Variants in RYR3 observed in about 807,000 individuals in gnomAD.
The protein encoded by RYR3 is brain ryanodine receptor-calcium release channel.
RYR3 carries 207 observed loss-of-function variants against 584.3 expected under a neutral mutation model. The observed-to-expected ratio is 0.35, with a 90% confidence interval of 0.32 to 0.40. RYR3 has a LOEUF of 0.40. Among genes scored for constraint, RYR3 ranks in the 10% least tolerant of loss-of-function variants. The probability of loss-of-function intolerance (pLI) is 1.00; values close to 1 mark genes in which losing one functional copy is unlikely to be tolerated. For missense variants in RYR3, 5,616 were observed against 6,089.2 expected (o/e 0.92, Z 2.59); for synonymous variants, 2,416 against 2,248.5 (o/e 1.07, Z -2.11).
chr15:33,834,888 G>A, intron 86 of RYR3, 80 bp from the exon 87 acceptor site: 1 of 946,652 alleles, frequency 1.1e-6, no homozygotes, highest in South Asian at 1.4e-5. Context: ...CATATAAGTA[G>A]GTATCAGATG....
intron 3 of RYR3, among the ~76,000 whole-genome samples, chr15:33,514,680 T>G (rs1407165362): frequency 6.6e-6 from 1 of 152,066 alleles, no homozygotes; most frequent in East Asian, 1.9e-4. Context: ...TTTTAGGAAT[T>G]TTCAGAATCA....
chr15:33,508,261 A>T (rs571529702), intron 3 of RYR3, among the ~76,000 whole-genome samples: 2 of 152,214 alleles, frequency 1.3e-5, no homozygotes, highest in Non-Finnish European at 2.9e-5. Context: ...TAGTTGCCAC[A>T]TGAACATGAC....
intron 8 of RYR3, among the ~76,000 whole-genome samples, chr15:33,547,543 C>T (rs1473639728): frequency 1.3e-5 from 2 of 152,008 alleles, no homozygotes; most frequent in Non-Finnish European, 2.9e-5. Context: ...ATAAACCTAA[C>T]ATTTTTCTAA....
chr15:33,818,728 A>G lies in RYR3; in HGVS notation c.10706+44A>G, dbSNP rs1193534254. On this transcript the variant is annotated intron_variant, in intron 76 of 103. Transcript: ENST00000634891. ...CCTGCTTCTCCCAGGCACCAGGGAT[A>G]CTTGTGTCCACTCCTGACCTTCTTC... 2.9e-6 allele frequency: 4 copies of G among 1,368,352 alleles called. No homozygotes were observed. In the South Asian group the frequency reaches 3.6e-5, roughly 12 times the overall value. The allele number at this position is 1,368,352 out of a possible 1,614,324, so 84.8% of individuals were successfully genotyped here.
intron 1 of RYR3, among the ~76,000 whole-genome samples, chr15:33,367,045 G>C (rs867527019): frequency 2.0e-5 from 3 of 152,178 alleles, no homozygotes; most frequent in African/African-American, 7.2e-5. Flanking sequence ...TTATTTCAGT[G>C]CTGCTAAAGG....
At chr15:33,512,022 C>T (rs1287093773) in intron 3 of RYR3, among the ~76,000 whole-genome samples, 1 of 152,170 alleles carries the variant, frequency 6.6e-6, no homozygotes, top group East Asian at 1.9e-4. Context: ...TCATGATCCG[C>T]CCGCCTCGGC....
At chr15:33,316,019 A>T (rs1181942197) in intron 1 of RYR3, among the ~76,000 whole-genome samples, 3 of 152,198 alleles carry the variant, frequency 2.0e-5, no homozygotes, top group Non-Finnish European at 4.4e-5. Flanking sequence ...GCAAGGAATA[A>T]TTATTAAATA....
chr15:33,593,791 A>G (rs1381128726), intron 16 of RYR3, among the ~76,000 whole-genome samples: 1 of 152,258 alleles, frequency 6.6e-6, no homozygotes, highest in African/African-American at 2.4e-5. Flanking sequence ...GAATCTAACA[A>G]CAGGTCTACT....
In RYR3 at chr15:33,696,128, G is replaced by A. The variant is rs545753924; in HGVS notation, c.5861-90G>A. 3 of 1,251,466 alleles carry A rather than the reference G, an allele frequency of 2.4e-6. No individual in the cohort carries two copies. The South Asian group carries it at 4.3e-5, about 18-fold the overall frequency. The allele number at this position is 1,251,466 out of a possible 1,614,324, so 77.5% of individuals were successfully genotyped here. A position where few individuals can be genotyped will look rare whatever the true frequency, so the allele number is the denominator to read the frequency against. On this transcript the variant is annotated intron_variant, in intron 38 of 103. Transcript: ENST00000634891. The stretch of plus-strand genomic sequence containing the variant: ...GAATTTTGTAACCTCAACCAATGAT[G>A]TGTCTTCTATTTGCATGAAGTGGCT...
In RYR3 at chr15:33,831,196, T is replaced by A. The variant is rs879072126; in HGVS notation, c.11463+105T>A. 4 of 1,083,340 alleles carry A rather than the reference T, an allele frequency of 3.7e-6. 1 individual carries two copies. The South Asian group carries it at 7.6e-5, about 21-fold the overall frequency. 67.1% of individuals were successfully genotyped at this position (1,083,340 alleles called of 1,614,324 possible). A position where few individuals can be genotyped will look rare whatever the true frequency, so the allele number is the denominator to read the frequency against. ...TTGATTGTACACAGTGCACTATCCATCCAGCCCTAATGCTGACAATTTTTA... is the reference window on the plus strand; with the variant it reads ...TTGATTGTACACAGTGCACTATCCAACCAGCCCTAATGCTGACAATTTTTA... On this transcript the variant is annotated intron_variant, in intron 86 of 103. Transcript: ENST00000634891.
intron 57 of RYR3, among the ~76,000 whole-genome samples, chr15:33,753,799 A>T (rs778987093): frequency 6.6e-6 from 1 of 152,186 alleles, no homozygotes; most frequent in Non-Finnish European, 1.5e-5. Context: ...CGTCATTTTA[A>T]TCCTGTTCTT....
At chr15:33,326,185 T>A (rs1305588293) in intron 1 of RYR3, among the ~76,000 whole-genome samples, 1 of 152,164 alleles carries the variant, frequency 6.6e-6, no homozygotes, top group East Asian at 1.9e-4. Flanking sequence ...AAAGCTACTA[T>A]CTTCTAAAAG....
At chr15:33,675,417 G>C (rs2064113807) in intron 38 of RYR3, among the ~76,000 whole-genome samples, 1 of 152,328 alleles carries the variant, frequency 6.6e-6, no homozygotes, top group East Asian at 1.9e-4. Flanking sequence ...GCCCATCCTT[G>C]TCACTTATGT....
intron 1 of RYR3, among the ~76,000 whole-genome samples, chr15:33,411,024 C>T (rs2043368548): frequency 6.6e-6 from 1 of 152,212 alleles, no homozygotes; most frequent in Non-Finnish European, 1.5e-5. Context: ...GATTCATTAT[C>T]TCCACCTGGC....
chr15:33,389,000 C>A (rs1481298646), intron 1 of RYR3, among the ~76,000 whole-genome samples: 1 of 145,522 alleles, frequency 6.9e-6, no homozygotes, highest in Non-Finnish European at 1.5e-5. Flanking sequence ...GGACAAAAAA[C>A]CAAACACCGC....
At chr15:33,554,538 C>T (rs12910430) in intron 10 of RYR3, among the ~76,000 whole-genome samples, 395 of 152,168 alleles carry the variant, frequency 2.6e-3, no homozygotes, top group Non-Finnish European at 3.7e-3. Context: ...CCTCGTGATC[C>T]GCCCGCCTCG....
intron 67 of RYR3, among the ~76,000 whole-genome samples, chr15:33,799,090 C>T (rs2152928592): frequency 6.6e-6 from 1 of 152,164 alleles, no homozygotes; most frequent in East Asian, 1.9e-4. Context: ...TAACTTGTGT[C>T]ACTGTGATAT....
At chr15:33,736,199 A>G in intron 48 of RYR3, 36 bp from the exon 49 acceptor site, 1 of 1,341,462 alleles carries the variant, frequency 7.5e-7, no homozygotes, top group Non-Finnish European at 1.1e-6. Context: ...TTATGTTTTC[A>G]TTTTATTTAT....
intron 5 of RYR3, among the ~76,000 whole-genome samples, chr15:33,537,505 C>T (rs1182374426): frequency 6.7e-6 from 1 of 150,300 alleles, no homozygotes; most frequent in South Asian, 2.1e-4. Context: ...CTTCACAAGT[C>T]ATACACACTT....
Sources: allele counts gnomAD v4.1 joint callset (sites outside exome capture counted in the v4.1 genomes callset), GRCh38; gene constraint gnomAD v4.1.1; transcripts MANE v1.5; gene names NCBI Gene and HGNC (gene_info 2026-07-23, HGNC 2026-07-21).